Variants in FOXO3 observed in about 807,000 individuals in gnomAD.
FOXO3 encodes forkhead box protein O3.
A neutral mutation model predicts 41.9 loss-of-function variants in FOXO3; 4 were observed. That is an observed-to-expected ratio of 0.10 (90% CI 0.05 to 0.22). FOXO3 has a LOEUF of 0.22. Ranked by LOEUF, FOXO3 falls within the 10% of genes least tolerant of loss-of-function variation. The pLI is 1.00. For synonymous variants in FOXO3, 318 were observed against 389.3 expected, an observed-to-expected ratio of 0.82 and a Z score of 2.16; for missense variants, 534 against 906.8, an observed-to-expected ratio of 0.59 and a Z score of 5.28.
intron 1 of FOXO3, among the ~76,000 whole-genome samples, chr6:108,594,327 A>G (rs933584161): frequency 5.3e-5 from 8 of 152,214 alleles, no homozygotes; most frequent in Non-Finnish European, 2.9e-5. Flanking sequence ...TCTTTTAGGG[A>G]GAGTTGTAGA....
chr6:108,663,376 G>A (rs1778928524), intron 1 of FOXO3, 79 bp from the exon 2 acceptor site: 3 of 1,511,898 alleles, frequency 2.0e-6, no homozygotes, highest in Admixed American at 2.3e-5. Flanking sequence ...TGAATGAGGA[G>A]TCTGATTTAC....
intron 1 of FOXO3, among the ~76,000 whole-genome samples, chr6:108,588,080 C>CTT (rs57389429): frequency 0.025 from 3,860 of 152,280 alleles, 169 homozygotes; most frequent in African/African-American, 0.086. Context: ...TCAAAGGCAA[C>CTT]TTTAAGTTAA....
intron 1 of FOXO3, among the ~76,000 whole-genome samples, chr6:108,617,073 A>G (rs1256858504): frequency 6.6e-6 from 1 of 152,214 alleles, no homozygotes; most frequent in Admixed American, 6.5e-5. Context: ...TATTATGAAT[A>G]ATGCTGCTGT....
In FOXO3 at chr6:108,681,263, A is replaced by G. The variant is rs1458590319; in HGVS notation, c.*1471A>G. 1 of 152,698 alleles carries G rather than the reference A, an allele frequency of 6.5e-6. No homozygotes were observed. The highest frequency in any genetic ancestry group is 1.5e-5 in the Non-Finnish European group (1 of 68,050). The allele number at this position is 152,698 out of a possible 1,614,324, so 9.5% of individuals were successfully genotyped here. On this transcript the variant is annotated 3_prime_UTR_variant, in exon 3 of 3. Transcript: ENST00000406360. ...TATGCATACTTCTCCAAAGTGATAT[A>G]TGAAGACTCTTTTCTTTGCATAAAA...
chr6:108,678,890 T>TTTTTTAC (rs368405598), intron 2 of FOXO3, among the ~76,000 whole-genome samples: 1 of 115,334 alleles, frequency 8.7e-6, no homozygotes, highest in African/African-American at 2.9e-5. Flanking sequence ...TTTTTTTTTT[T>TTTTTTAC]TGAGACGGAG....
intron 1 of FOXO3, among the ~76,000 whole-genome samples, chr6:108,600,746 T>TCACTTAAGCCTCA (rs1777029744): frequency 6.6e-6 from 1 of 152,162 alleles, no homozygotes; most frequent in African/African-American, 2.4e-5. Flanking sequence ...AGGTACTTTG[T>TCACTTAAGCCTCA]GGTTGAATGT....
At chr6:108,664,933 GA>G in intron 2 of FOXO3, 44 bp downstream of exon 2, 4 of 1,541,290 alleles carry the variant, frequency 2.6e-6, no homozygotes, top group Non-Finnish European at 3.5e-6. Flanking sequence ...ATATGGGGAT[GA>G]GGGGGGATCT....
chr6:108,569,987 G>GTTTGTTTTTTTTTTTT, intron 1 of FOXO3, among the ~76,000 whole-genome samples: 1 of 73,246 alleles, frequency 1.4e-5, no homozygotes, highest in Non-Finnish European at 2.4e-5. Context: ...CCCTTGCGTG[G>GTTTGTTTTTTTTTTTT]TTTTTTTTTT....
chr6:108,594,831 A>C (rs920316259), intron 1 of FOXO3, among the ~76,000 whole-genome samples: 1 of 152,134 alleles, frequency 6.6e-6, no homozygotes, highest in Non-Finnish European at 1.5e-5. Context: ...GCTCTTTCCA[A>C]ACATGACTCC....
rs1446638488 is a variant in FOXO3, at chr6:108,630,118, A to G, written c.622-33337A>G. ...TTGTCTAGACCACAAGTGGCTTCAG[A>G]GAAACAGGCTTCTAGGTATAGCATG... is the stretch of plus-strand genomic sequence containing the variant. On this transcript the variant is annotated intron_variant, in intron 1 of 2. Transcript: ENST00000406360. Among the ~76,000 whole-genome samples, 4 of 152,172 alleles carry G rather than the reference A, an allele frequency of 2.6e-5. No individual in the cohort carries two copies. The East Asian group carries it at 7.7e-4, about 29-fold the overall frequency.
At position 108,663,592 on chromosome 6, in the gene FOXO3, C is replaced by T; in HGVS notation, c.759C>T (p.Ser253=). 6.2e-7 allele frequency: 1 copy of T among 1,613,616 alleles called. No homozygotes were observed. The highest frequency in any genetic ancestry group is 8.5e-7 in the Non-Finnish European group (1 of 1,179,696). ...AAGCCCCCCGGCGGCGGGCTGTCTC[C>T]ATGGACAATAGCAACAAGTATACCA... ...SGKAPRRRAV[S]MDNSNKYTKS... The change falls in exon 2 of 3, where the codon TCC becomes TCT. Residue 253 remains serine (S), a synonymous_variant. Transcript: ENST00000406360.
intron 1 of FOXO3, among the ~76,000 whole-genome samples, chr6:108,650,706 G>A (rs891640875): frequency 2.6e-5 from 4 of 152,088 alleles, no homozygotes; most frequent in African/African-American, 9.7e-5. Context: ...TACACATTTG[G>A]GAACACCCTA....
rs1240505992 is a variant in FOXO3 at position 108,681,357 on chromosome 6, G to A, written c.*1565G>A. 1.3e-5 allele frequency: 2 copies of A among 152,566 alleles called. No homozygotes were observed. The highest frequency in any genetic ancestry group is 2.9e-5 in the Non-Finnish European group (2 of 68,026). 9.5% of individuals were successfully genotyped at this position (152,566 alleles called of 1,614,324 possible). A position where few individuals can be genotyped will look rare whatever the true frequency, so the allele number is the denominator to read the frequency against. ...GTACAAAAATGGAACCTTATGCATG[G>A]GCCTTAGGAATACAGGCTAGTATTT... On this transcript the variant is annotated 3_prime_UTR_variant, in exon 3 of 3. Coordinates refer to ENST00000406360, the MANE Select transcript of FOXO3 (RefSeq NM_001455.4).
chr6:108,602,966 C>G (rs991760773), intron 1 of FOXO3, among the ~76,000 whole-genome samples: 10 of 152,098 alleles, frequency 6.6e-5, no homozygotes, highest in Non-Finnish European at 1.3e-4. Flanking sequence ...AATAACATAT[C>G]TACTAAAACT....
At chr6:108,632,534 T>C (rs1582797694) in intron 1 of FOXO3, among the ~76,000 whole-genome samples, 1 of 152,342 alleles carries the variant, frequency 6.6e-6, no homozygotes, top group Non-Finnish European at 1.5e-5. Context: ...GGCACCATGA[T>C]ATGGCTGCAG....
intron 1 of FOXO3, among the ~76,000 whole-genome samples, chr6:108,661,248 C>CG (rs372962632): frequency 2.0e-5 from 3 of 151,692 alleles, no homozygotes; most frequent in South Asian, 2.1e-4. Context: ...TCTCGGGCGG[C>CG]GGGGGGAACA....
At chr6:108,655,300 C>A (rs919800896) in intron 1 of FOXO3, among the ~76,000 whole-genome samples, 3 of 152,108 alleles carry the variant, frequency 2.0e-5, no homozygotes, top group African/African-American at 7.2e-5. Flanking sequence ...AATAAAATTA[C>A]CCTAGCTCTT....
intron 1 of FOXO3, among the ~76,000 whole-genome samples, chr6:108,631,893 C>G (rs2128376225): frequency 6.6e-6 from 1 of 152,224 alleles, no homozygotes; most frequent in Middle Eastern, 3.4e-3. Context: ...AGGGCCATTC[C>G]CTGCTCCACC....
chr6:108,615,989 AT>A lies in FOXO3; in HGVS notation c.622-47455del, dbSNP rs1259937887. Among the ~76,000 whole-genome samples, 1,245 of 145,394 alleles carry A rather than the reference AT, an allele frequency of 8.6e-3. 5 individuals are homozygous for A. The highest frequency in any genetic ancestry group is 0.022 in the Middle Eastern group (6 of 278). ...TCTTACTACATAGAGTATATTTATA[AT>A]TTTTTTTTTTCCTTTGAGAATGAGT... is the stretch of plus-strand genomic sequence containing the variant. On this transcript the variant is annotated intron_variant, in intron 1 of 2. Transcript: ENST00000406360.
Sources: gnomAD v4.1 joint callset for allele counts (sites outside exome capture counted in the v4.1 genomes callset) on GRCh38, gnomAD v4.1.1 for gene constraint, MANE v1.5 for transcripts, NCBI Gene and HGNC (gene_info 2026-07-23, HGNC 2026-07-21) for gene names.